SIK3: variants seen among roughly 807,000 people sequenced by gnomAD.
SIK3 encodes serine/threonine-protein kinase SIK3.
A neutral mutation model predicts 144.2 loss-of-function variants in SIK3; 28 were observed. The observed-to-expected ratio is 0.19, with a 90% CI of 0.14 to 0.27. The LOEUF (loss-of-function observed/expected upper bound fraction) is 0.27. Among genes scored for constraint, SIK3 ranks in the 10% least tolerant of loss-of-function variants. SIK3 has a pLI of 1.00. For synonymous variants in SIK3, 686 were observed against 676.3 expected (o/e 1.01, Z -0.22); for missense variants, 1,319 against 1,776.0 (o/e 0.74, Z 4.62).
chr11:116,942,260 A>G (rs1948349764), intron 3 of SIK3, among the ~76,000 whole-genome samples: 1 of 152,234 alleles, frequency 6.6e-6, no homozygotes, highest in Admixed American at 6.5e-5. Context: ...ACTACATTAA[A>G]CAAGGAAGAC....
At position 116,927,472 on chromosome 11, in the gene SIK3, G is replaced by A. The variant is rs544964741; in HGVS notation, c.455-92C>T. On this transcript the variant is annotated intron_variant, in intron 3 of 24. Coordinates refer to ENST00000445177, the MANE Select transcript of SIK3 (RefSeq NM_001366686.3). ...AAGGAGGGCTACAAGGGGCCCTCTCGAGTGAGTTAAAGAGGCAAAATGAGC... is the reference window on the plus strand; with the variant it reads ...AAGGAGGGCTACAAGGGGCCCTCTCAAGTGAGTTAAAGAGGCAAAATGAGC... 6.7e-4 allele frequency: 854 copies of A among 1,274,204 alleles called. 4 individuals carry two copies. The African/African-American group carries it at 0.01, about 15-fold the overall frequency. The allele number at this position is 1,274,204 out of a possible 1,614,324, so 78.9% of individuals were successfully genotyped here.
At chr11:116,868,760 A>G (rs1375852535) in intron 14 of SIK3, 2 of 152,496 alleles carry the variant, frequency 1.3e-5, no homozygotes, top group African/African-American at 4.8e-5. Flanking sequence ...AAAGCAAGGC[A>G]AAAAATAAAA....
intron 1 of SIK3, among the ~76,000 whole-genome samples, chr11:117,018,141 T>C (rs978823244): frequency 1.3e-5 from 2 of 152,118 alleles, no homozygotes; most frequent in African/African-American, 4.8e-5. Flanking sequence ...CTCAACACAG[T>C]TGTCCCTCGG....
rs186213027 is a variant in SIK3, at chr11:117,087,277, T to C, written c.273+10866A>G. Among the ~76,000 whole-genome samples the C allele has an allele frequency of 6.0e-4, 91 of 152,048 alleles. 1 individual carries two copies. The highest frequency in any genetic ancestry group is 2.0e-3 in the African/African-American group (82 of 41,450). ...TGGCCAACATGGTGAAACCCATCTC[T>C]ACTAAAAATACAAAAATTAGCCAGG... On this transcript the variant is annotated intron_variant, in intron 1 of 24. Coordinates refer to ENST00000445177, the MANE Select transcript of SIK3 (RefSeq NM_001366686.3).
In SIK3 at chr11:116,875,386, G is replaced by A. The variant is rs1293507427; in HGVS notation, c.1305C>T (p.Asn435=). 6.2e-7 allele frequency: 1 copy of A among 1,614,060 alleles called. No individual in the cohort carries two copies. The highest frequency in any genetic ancestry group is 8.5e-7 in the Non-Finnish European group (1 of 1,180,040). ...VPQVQLINPE[N]QIVEPDGTLN... ...GGTTGCTACTTGCCTCCACAATTTG[G>A]TTCTCTGGGTTGATCAGCTGCACCT... The change falls in exon 10 of 25, where the codon AAC becomes AAT. Residue 435 remains asparagine (N), a synonymous_variant. Coordinates refer to ENST00000445177, the MANE Select transcript of SIK3 (RefSeq NM_001366686.3).
intron 6 of SIK3, among the ~76,000 whole-genome samples, chr11:116,891,065 T>C (rs1249594658): frequency 6.6e-6 from 1 of 152,130 alleles, no homozygotes; most frequent in African/African-American, 2.4e-5. Context: ...CAGTGGCTCA[T>C]GGAGGTCAAG....
At chr11:117,055,632 T>C (rs1261021391) in intron 1 of SIK3, among the ~76,000 whole-genome samples, 3 of 152,196 alleles carry the variant, frequency 2.0e-5, no homozygotes, top group East Asian at 1.9e-4. Context: ...CACTATCTCA[T>C]AGGATGGTTG....
intron 4 of SIK3, among the ~76,000 whole-genome samples, chr11:116,900,927 C>T (rs1027565565): frequency 2.6e-5 from 4 of 151,194 alleles, no homozygotes; most frequent in African/African-American, 7.3e-5. Context: ...TGCAGTGGTG[C>T]GATCTTGGCT....
At chr11:116,876,846 G>T in intron 7 of SIK3, 78 bp downstream of exon 7, 1 of 1,164,790 alleles carries the variant, frequency 8.6e-7, no homozygotes, top group Non-Finnish European at 1.3e-6. Flanking sequence ...TTCAGGTTAT[G>T]GCCTGATTAC....
At chr11:116,883,661 T>A (rs546047420) in intron 6 of SIK3, among the ~76,000 whole-genome samples, 9 of 152,266 alleles carry the variant, frequency 5.9e-5, no homozygotes, top group African/African-American at 2.2e-4. Context: ...GGGCCCGGCA[T>A]GGTGGCTCAC....
Position 116,857,688 on chromosome 11 carries a change from G to A in SIK3, c.3655+122C>T, listed in dbSNP as rs184397492. ...CTACATGCTTCTCCCCAAGAAGGTC[G>A]TGAAGCTCAGAAATTCTTTTTTTCT... On this transcript the variant is annotated intron_variant, in intron 21 of 24. Coordinates refer to ENST00000445177, the MANE Select transcript of SIK3 (RefSeq NM_001366686.3). 822 of 1,443,728 alleles carry A rather than the reference G, an allele frequency of 5.7e-4. 1 individual carries two copies. Among genetic ancestry groups the A allele is most frequent in the Non-Finnish European group, 7.0e-4 (770 of 1,095,760 alleles). 89.4% of individuals were successfully genotyped at this position (1,443,728 alleles called of 1,614,324 possible).
At chr11:116,943,542 C>T (rs1948426261) in intron 3 of SIK3, among the ~76,000 whole-genome samples, 1 of 152,306 alleles carries the variant, frequency 6.6e-6, no homozygotes, top group African/African-American at 2.4e-5. Flanking sequence ...CTGGTATACT[C>T]CCTTTCTGCC....
Position 117,093,057 on chromosome 11 carries a change from A to G in SIK3, c.273+5086T>C, listed in dbSNP as rs560091470. ...TTCAAAAACGTTTAGCAACCCCATC[A>G]CCACTGTATCAAACTGAACATAATC... On this transcript the variant is annotated intron_variant, in intron 1 of 24. Coordinates refer to ENST00000445177, the MANE Select transcript of SIK3 (RefSeq NM_001366686.3). Among the ~76,000 whole-genome samples, 18 of 152,296 alleles carry G rather than the reference A, an allele frequency of 1.2e-4. No individual in the cohort carries two copies. The South Asian group carries it at 3.5e-3, about 30-fold the overall frequency.
At chr11:116,977,480 C>T (rs967723562) in intron 1 of SIK3, among the ~76,000 whole-genome samples, 8 of 152,148 alleles carry the variant, frequency 5.3e-5, no homozygotes, top group East Asian at 1.9e-4. Context: ...TAAAAAAAGA[C>T]GAAGAAATCT....
rs1944076577 is a variant in SIK3 at position 116,873,570 on chromosome 11, C to T, written c.1648G>A (p.Ala550Thr). The change falls in exon 13 of 25, where the codon GCA (alanine) becomes ACA (threonine). Residue 550 changes from alanine (A) to threonine (T), a missense_variant. Around this residue, in one of 8 missense-constraint regions of SIK3, gnomAD observed 167 missense variants for 263.3 expected, o/e 0.63. Transcript: ENST00000445177. The part of the protein sequence containing the change: ...LNGMGPLGRR[A>T]SDGGANIQLH... Reference sequence around the variant, plus strand: ...TGGATGTTGGCTCCTCCATCTGATGCCCTCCGGCCAAGGGGGCCCATTCCA... The same window carrying T: ...TGGATGTTGGCTCCTCCATCTGATGTCCTCCGGCCAAGGGGGCCCATTCCA... 6.2e-7 allele frequency: 1 copy of T among 1,609,666 alleles called. No individual in the cohort carries two copies. The highest frequency in any genetic ancestry group is 1.3e-5 in the African/African-American group (1 of 74,670).
intron 1 of SIK3, among the ~76,000 whole-genome samples, chr11:116,965,781 AT>A (rs1949520339): frequency 8.6e-6 from 1 of 115,702 alleles, no homozygotes; most frequent in African/African-American, 3.4e-5. Flanking sequence ...ATATATATAT[AT>A]AAATTAGCCA....
chr11:117,003,209 C>A (rs1340996422), intron 1 of SIK3, among the ~76,000 whole-genome samples: 1 of 152,220 alleles, frequency 6.6e-6, no homozygotes, highest in Non-Finnish European at 1.5e-5. Flanking sequence ...TTTATCAGAT[C>A]TACACTACTC....
intron 6 of SIK3, among the ~76,000 whole-genome samples, chr11:116,885,365 C>A (rs1309076019): frequency 1.3e-5 from 2 of 152,062 alleles, no homozygotes; most frequent in East Asian, 1.9e-4. Context: ...AAAAATGACA[C>A]CTATTTCTTG....
chr11:116,977,221 TC>T (rs1949975731), intron 1 of SIK3, among the ~76,000 whole-genome samples: 1 of 106,742 alleles, frequency 9.4e-6, no homozygotes, highest in Non-Finnish European at 1.9e-5. Flanking sequence ...TCTTCCTCCC[TC>T]CCTCCCTCCC....
Sources: allele counts gnomAD v4.1 joint callset (sites outside exome capture counted in the v4.1 genomes callset), GRCh38; gene constraint gnomAD v4.1.1; regional missense constraint gnomAD v4.1.1; transcripts MANE v1.5; gene names NCBI Gene and HGNC (gene_info 2026-07-23, HGNC 2026-07-21).